FARP1: variants seen among roughly 807,000 people sequenced by gnomAD.
The protein encoded by FARP1 is FERM, ARH/RhoGEF and pleckstrin domain protein 1.
A neutral mutation model predicts 128.8 loss-of-function variants in FARP1; 52 were observed. The ratio of observed to expected loss-of-function variants is 0.40; its 90% CI spans 0.32 to 0.51. FARP1 has a LOEUF of 0.51. FARP1 is among the 20% of genes least tolerant of loss of function. The pLI is 0.45. For synonymous variants in FARP1, 580 were observed against 551.8 expected, an observed-to-expected ratio of 1.05 and a Z score of -0.72; for missense variants, 1,333 against 1,367.9, an observed-to-expected ratio of 0.97 and a Z score of 0.40.
At chr13:98,309,207 C>T (rs1410470044) in intron 2 of FARP1, among the ~76,000 whole-genome samples, 2 of 112,132 alleles carry the variant, frequency 1.8e-5, no homozygotes, top group African/African-American at 7.2e-5. Context: ...CGCTCTGTGG[C>T]CCAGGCGGGA....
chr13:98,410,953 G>C (rs934047714), intron 15 of FARP1, 130 bp downstream of exon 15: 2 of 510,250 alleles, frequency 3.9e-6, no homozygotes, highest in Non-Finnish European at 7.1e-6. Context: ...TGTGGTCCTA[G>C]GGTATAGAAA....
At chr13:98,423,019 A>G (rs1891648493) in intron 16 of FARP1, among the ~76,000 whole-genome samples, 1 of 152,202 alleles carries the variant, frequency 6.6e-6, no homozygotes, top group Non-Finnish European at 1.5e-5. Context: ...CTGAGTCCCA[A>G]AGCTGAAGAA....
Position 98,378,909 on chromosome 13 carries a change from A to ATATAAT in FARP1, c.496+991_496+992insTATAAT, listed in dbSNP as rs59298355. 1.9e-4 allele frequency among the ~76,000 whole-genome samples: 16 copies of ATATAAT among 82,490 alleles called. 1 individual carries two copies. The highest frequency in any genetic ancestry group is 9.0e-4 in the South Asian group (2 of 2,220). The allele number at this position is 82,490 out of a possible 152,430, so 54.1% of individuals were successfully genotyped here. ...GTGCCAGCACTATATATATATATAT[A>ATATAAT]ATATATATATAATATATACAATATA... On this transcript the variant is annotated intron_variant, in intron 6 of 26. Coordinates refer to ENST00000319562, the MANE Select transcript of FARP1 (RefSeq NM_005766.4).
chr13:98,166,621 T>C (rs1014471462), intron 1 of FARP1, among the ~76,000 whole-genome samples: 2 of 152,178 alleles, frequency 1.3e-5, no homozygotes, highest in Non-Finnish European at 2.9e-5. Context: ...CTGTTGGCTC[T>C]TAATCACTGT....
intron 2 of FARP1, among the ~76,000 whole-genome samples, chr13:98,300,198 A>C (rs1885864703): frequency 1.3e-5 from 2 of 152,176 alleles, no homozygotes; most frequent in African/African-American, 4.8e-5. Context: ...TTAGGTTAGG[A>C]GGTCTGGAGT....
intron 8 of FARP1, among the ~76,000 whole-genome samples, chr13:98,387,237 G>A (rs1594475780): frequency 1.3e-5 from 2 of 152,284 alleles, no homozygotes; most frequent in Middle Eastern, 3.4e-3. Flanking sequence ...GGAAGCAGAG[G>A]TTGCAGTGAG....
chr13:98,242,201 CAT>C (rs1882808989), intron 2 of FARP1, among the ~76,000 whole-genome samples: 1 of 152,110 alleles, frequency 6.6e-6, no homozygotes, highest in Non-Finnish European at 1.5e-5. Flanking sequence ...ATTAAAGAAA[CAT>C]ATTTCTATGA....
At chr13:98,197,786 C>T (rs1327886551) in intron 1 of FARP1, among the ~76,000 whole-genome samples, 1 of 151,884 alleles carries the variant, frequency 6.6e-6, no homozygotes, top group Non-Finnish European at 1.5e-5. Context: ...AGGCACCCGC[C>T]ACCACGCCCG....
At chr13:98,422,934 G>C (rs1422659396) in intron 16 of FARP1, among the ~76,000 whole-genome samples, 2 of 152,154 alleles carry the variant, frequency 1.3e-5, no homozygotes, top group Non-Finnish European at 2.9e-5. Context: ...GTTTATTTAG[G>C]AGTATTGACT....
chr13:98,368,344 CAG>C, intron 5 of FARP1, 149 bp downstream of exon 5: 2 of 619,062 alleles, frequency 3.2e-6, no homozygotes, highest in Non-Finnish European at 5.5e-6. Flanking sequence ...TCCTCTTTCC[CAG>C]CCCTGCTTAC....
intron 1 of FARP1, among the ~76,000 whole-genome samples, chr13:98,163,665 T>A (rs372978085): frequency 4.0e-5 from 6 of 151,646 alleles, no homozygotes; most frequent in East Asian, 1.9e-4. Context: ...CTTGGTAGTA[T>A]GGTATCATCC....
At chr13:98,293,923 AT>A (rs1885552078) in intron 2 of FARP1, among the ~76,000 whole-genome samples, 2 of 152,278 alleles carry the variant, frequency 1.3e-5, no homozygotes, top group South Asian at 2.1e-4. Context: ...GGGTTCCCAG[AT>A]GTTTTTGGGA....
At chr13:98,220,628 C>T (rs1566758688) in intron 2 of FARP1, among the ~76,000 whole-genome samples, 1 of 152,002 alleles carries the variant, frequency 6.6e-6, no homozygotes. Context: ...AATTTAAAGG[C>T]TATTTTGGCT....
At chr13:98,444,621 G>A (rs78943856) in intron 24 of FARP1, among the ~76,000 whole-genome samples, 3,733 of 152,266 alleles carry the variant, frequency 0.025, 146 homozygotes, top group African/African-American at 0.084. Context: ...CGTGGGGAGC[G>A]AGGAAGGGCC....
intron 1 of FARP1, among the ~76,000 whole-genome samples, chr13:98,151,060 TAAACGG>T (rs1875961926): frequency 1.3e-5 from 2 of 151,512 alleles, no homozygotes; most frequent in Non-Finnish European, 1.5e-5. Context: ...TCACAGGTCT[TAAACGG>T]TGTGCTGTTA....
chr13:98,181,849 T>A, intron 1 of FARP1, among the ~76,000 whole-genome samples: 1 of 151,970 alleles, frequency 6.6e-6, no homozygotes, highest in East Asian at 1.9e-4. Context: ...GGTCATGGGG[T>A]CTTATCACAC....
intron 2 of FARP1, among the ~76,000 whole-genome samples, chr13:98,341,237 C>T (rs746371676): frequency 1.2e-4 from 18 of 152,044 alleles, no homozygotes; most frequent in East Asian, 9.6e-4. Context: ...CATGTCCATC[C>T]GTGTACTTGG....
chr13:98,250,757 A>G (rs1883285444), intron 2 of FARP1, among the ~76,000 whole-genome samples: 2 of 152,042 alleles, frequency 1.3e-5, no homozygotes, highest in Admixed American at 1.3e-4. Flanking sequence ...AAAAATATAT[A>G]ACACTACCAG....
chr13:98,238,172 C>T (rs1016344780), intron 2 of FARP1, among the ~76,000 whole-genome samples: 1 of 152,102 alleles, frequency 6.6e-6, no homozygotes, highest in African/African-American at 2.4e-5. Context: ...AGATGAGTTC[C>T]CAGATGCCAT....
Sources: gnomAD v4.1 joint callset for allele counts (sites outside exome capture counted in the v4.1 genomes callset) on GRCh38, gnomAD v4.1.1 for gene constraint, MANE v1.5 for transcripts, NCBI Gene and HGNC (gene_info 2026-07-23, HGNC 2026-07-21) for gene names.